The following TENM2 variants were observed in gnomAD, a reference collection of about 807,000 sequenced individuals.
The protein encoded by TENM2 is teneurin transmembrane protein 2, also known as teneurin-2.
A neutral mutation model predicts 245.2 loss-of-function variants in TENM2; 52 were observed. That is an observed-to-expected ratio of 0.21 (90% confidence interval 0.17 to 0.27). TENM2 has a LOEUF of 0.27. Among genes scored for constraint, TENM2 ranks in the 10% least tolerant of loss-of-function variants. The pLI is 1.00. For synonymous variants in TENM2, 1,363 were observed against 1,438.9 expected, an observed-to-expected ratio of 0.95 and a Z score of 1.19; for missense variants, 3,046 against 3,666.8, an observed-to-expected ratio of 0.83 and a Z score of 4.37.
the TENM2 span, among the ~76,000 whole-genome samples, chr5:167,152,869 A>G: frequency 1.3e-5 from 2 of 152,206 alleles, no homozygotes; most frequent in East Asian, 3.9e-4. Flanking sequence ...TTATTTCTGG[A>G]ATTTTTCACG....
At chr5:167,907,184 A>T (rs943261503) in intron 3 of TENM2, among the ~76,000 whole-genome samples, 5 of 152,090 alleles carry the variant, frequency 3.3e-5, no homozygotes, top group Non-Finnish European at 7.4e-5. Context: ...ATGAGCCAAG[A>T]TCGCACCGTT....
intron 4 of TENM2, among the ~76,000 whole-genome samples, chr5:167,984,373 C>T (rs1217139157): frequency 1.3e-5 from 2 of 152,178 alleles, no homozygotes; most frequent in Non-Finnish European, 2.9e-5. Flanking sequence ...AATGTATATA[C>T]TTGACCCAGT....
chr5:167,217,656 G>C, the TENM2 span, among the ~76,000 whole-genome samples: 1 of 149,768 alleles, frequency 6.7e-6, no homozygotes. Flanking sequence ...AAATGGCATT[G>C]TTTATTTGCA....
At chr5:168,034,732 A>G (rs1787509634) in intron 5 of TENM2, among the ~76,000 whole-genome samples, 3 of 152,164 alleles carry the variant, frequency 2.0e-5, no homozygotes, top group African/African-American at 7.2e-5. Context: ...TGACTGCACC[A>G]CTACCCTCCA....
At chr5:167,378,387 T>TC (rs1760895106) in intron 2 of TENM2, among the ~76,000 whole-genome samples, 1 of 151,308 alleles carries the variant, frequency 6.6e-6, no homozygotes, top group East Asian at 1.9e-4. Flanking sequence ...TCTTTTTTTT[T>TC]TTTTTTTGGT....
At chr5:168,055,233 T>C (rs1343419845) in intron 6 of TENM2, among the ~76,000 whole-genome samples, 2 of 152,200 alleles carry the variant, frequency 1.3e-5, no homozygotes, top group Non-Finnish European at 2.9e-5. Flanking sequence ...ACACCCCAAC[T>C]CTGATGTTGA....
At chr5:167,510,709 A>C (rs1337480764) in intron 2 of TENM2, among the ~76,000 whole-genome samples, 1 of 152,020 alleles carries the variant, frequency 6.6e-6, no homozygotes, top group African/African-American at 2.4e-5. Context: ...AAGAAAGTTG[A>C]CATTTTAGTT....
At chr5:166,980,503 G>A in the TENM2 span, among the ~76,000 whole-genome samples, 1 of 152,098 alleles carries the variant, frequency 6.6e-6, no homozygotes, top group Non-Finnish European at 1.5e-5. Flanking sequence ...ATATACAACA[G>A]CTCTTTAATG....
chr5:168,239,127 T>C (rs1483577882), intron 25 of TENM2, among the ~76,000 whole-genome samples: 2 of 152,116 alleles, frequency 1.3e-5, no homozygotes, highest in African/African-American at 4.8e-5. Flanking sequence ...GGGGCAGGTA[T>C]CCTCAAAGGG....
chr5:167,296,138 C>T (rs1263434850), intron 1 of TENM2: 4 of 152,304 alleles, frequency 2.6e-5, no homozygotes, highest in African/African-American at 7.2e-5. Flanking sequence ...CTGATGCATT[C>T]TCACTCAACT....
chr5:167,279,958 A>AT (rs999791593), upstream of TENM2, among the ~76,000 whole-genome samples: 1 of 152,036 alleles, frequency 6.6e-6, no homozygotes, highest in East Asian at 1.9e-4. Context: ...ATGACAAGTG[A>AT]TTTTTTATTG....
intron 2 of TENM2, among the ~76,000 whole-genome samples, chr5:167,739,281 C>T (rs995608966): frequency 2.6e-5 from 4 of 152,132 alleles, no homozygotes; most frequent in African/African-American, 4.8e-5. Flanking sequence ...TAAAGGGAAT[C>T]GGGCTCATGA....
At position 167,754,734 on chromosome 5, in the gene TENM2, A is replaced by AAAAG. The variant is rs1404292832; in HGVS notation, c.503-121249_503-121248insGAAA. On this transcript the variant is annotated intron_variant, in intron 2 of 28. Coordinates refer to ENST00000518659, the Ensembl canonical transcript of TENM2. Reference sequence around the variant, plus strand: ...ACCTTTTTAAGAGATATTTCAAAAAAAAAAAAAGTCTGTGTCAAACAACGT... The same window carrying AAAAG: ...ACCTTTTTAAGAGATATTTCAAAAAAAAAGAAAAAAAGTCTGTGTCAAACAACGT... Among the ~76,000 whole-genome samples the AAAAG allele has an allele frequency of 2.0e-5, 3 of 151,726 alleles. 1 individual carries two copies. The highest frequency in any genetic ancestry group is 7.3e-5 in the African/African-American group (3 of 41,328).
chr5:166,989,024 T>C, the TENM2 span, among the ~76,000 whole-genome samples: 1 of 152,158 alleles, frequency 6.6e-6, no homozygotes, highest in Non-Finnish European at 1.5e-5. Flanking sequence ...ATAAATATGA[T>C]GAGATTCCCT....
chr5:168,156,900 T>C (rs1757236376), intron 12 of TENM2, among the ~76,000 whole-genome samples: 1 of 152,146 alleles, frequency 6.6e-6, no homozygotes, highest in Non-Finnish European at 1.5e-5. Context: ...TTTTACACCA[T>C]AGCAGGAACG....
chr5:167,385,000 C>T (rs553057139), intron 2 of TENM2, among the ~76,000 whole-genome samples: 37 of 152,168 alleles, frequency 2.4e-4, no homozygotes, highest in Non-Finnish European at 4.1e-4. Flanking sequence ...GTGTTCCTTA[C>T]AGTGCAATCT....
At chr5:167,379,624 A>T (rs1315883702) in intron 2 of TENM2, among the ~76,000 whole-genome samples, 4 of 151,832 alleles carry the variant, frequency 2.6e-5, no homozygotes, top group African/African-American at 9.7e-5. Flanking sequence ...TTTATAACCC[A>T]CTCTACTCCT....
chr5:168,025,209 A>G (rs1786495947), intron 5 of TENM2, among the ~76,000 whole-genome samples: 1 of 152,256 alleles, frequency 6.6e-6, no homozygotes, highest in Admixed American at 6.5e-5. Context: ...GCATAAACTG[A>G]AAAATATTTG....
chr5:167,087,376 T>C, the TENM2 span, among the ~76,000 whole-genome samples: 1 of 152,228 alleles, frequency 6.6e-6, no homozygotes, highest in Admixed American at 6.5e-5. Flanking sequence ...CGGGTGGCCA[T>C]AAACTGTAGC....
Sources: allele counts gnomAD v4.1 joint callset (sites outside exome capture counted in the v4.1 genomes callset), GRCh38; gene constraint gnomAD v4.1.1; transcripts MANE v1.5; gene names NCBI Gene and HGNC (gene_info 2026-07-23, HGNC 2026-07-21).